Variants in ADAM10 observed in about 807,000 individuals in gnomAD.
ADAM10 encodes the protein disintegrin and metalloproteinase domain-containing protein 10.
A neutral mutation model predicts 90.1 loss-of-function variants in ADAM10; 17 were observed. That is an observed-to-expected ratio of 0.19 (90% confidence interval 0.13 to 0.28). ADAM10 has a LOEUF of 0.28. ADAM10 is among the 10% of genes least tolerant of loss of function. ADAM10 has a pLI of 1.00. For synonymous variants in ADAM10, 310 were observed against 298.6 expected, an observed-to-expected ratio of 1.04 and a Z score of -0.40; for missense variants, 610 against 914.3, an observed-to-expected ratio of 0.67 and a Z score of 4.29.
At chr15:58,611,164 T>C in intron 12 of ADAM10, 57 bp from the exon 13 acceptor site, 1 of 1,293,070 alleles carries the variant, frequency 7.7e-7, no homozygotes, top group South Asian at 1.2e-5. Context: ...ACCTATTTTT[T>C]ATAGTAACAG....
chr15:58,746,128 T>C (rs1227134234), intron 1 of ADAM10, among the ~76,000 whole-genome samples: 2 of 152,192 alleles, frequency 1.3e-5, no homozygotes, highest in African/African-American at 4.8e-5. Context: ...AGTTCGAATG[T>C]CCAATTCACC....
chr15:58,686,462 A>G (rs1897606065), intron 2 of ADAM10: 1 of 1,395,624 alleles, frequency 7.2e-7, no homozygotes, highest in African/African-American at 1.4e-5. Flanking sequence ...GGAGCAGCTC[A>G]AGTTGGAGGC....
At chr15:58,677,902 G>C (rs1172003026) in intron 4 of ADAM10, among the ~76,000 whole-genome samples, 9 of 152,120 alleles carry the variant, frequency 5.9e-5, no homozygotes, top group Non-Finnish European at 1.0e-4. Flanking sequence ...CCTGATAGGG[G>C]AGGTAACCCT....
chr15:58,604,981 T>C (rs1895229488), intron 14 of ADAM10, among the ~76,000 whole-genome samples: 1 of 152,126 alleles, frequency 6.6e-6, no homozygotes, highest in Non-Finnish European at 1.5e-5. Flanking sequence ...CTCCAGCAAT[T>C]TTCCCTCCTC....
At chr15:58,606,667 T>C (rs1895283450) in intron 14 of ADAM10, among the ~76,000 whole-genome samples, 1 of 152,190 alleles carries the variant, frequency 6.6e-6, no homozygotes, top group Admixed American at 6.5e-5. Context: ...ACAAGTCTTT[T>C]TAAAAAGGAG....
At position 58,610,521 on chromosome 15, in the gene ADAM10, G is replaced by C. The variant is rs1461993032; in HGVS notation, c.1805-4C>G. Reference sequence around the variant, plus strand: ...CTGGCACAAGTTGATGGGTCCACTGGAAAAGAAATGCCAAATATAAGCTGA... The same window carrying C: ...CTGGCACAAGTTGATGGGTCCACTGCAAAAGAAATGCCAAATATAAGCTGA... On this transcript the variant is annotated splice_region_variant and splice_polypyrimidine_tract_variant and intron_variant, in intron 13 of 15. Transcript: ENST00000260408. 4 of 1,612,728 alleles carry C rather than the reference G, an allele frequency of 2.5e-6. No individual in the cohort carries two copies. In the Admixed American group the frequency reaches 6.7e-5, roughly 27 times the overall value.
At chr15:58,725,382 A>G (rs1898996826) in intron 1 of ADAM10, among the ~76,000 whole-genome samples, 2 of 150,790 alleles carry the variant, frequency 1.3e-5, no homozygotes, top group African/African-American at 4.9e-5. Context: ...AAAAAAAAAA[A>G]AAAGTAAAAA....
chr15:58,690,874 T>C (rs1436802710), intron 2 of ADAM10, among the ~76,000 whole-genome samples: 3 of 152,160 alleles, frequency 2.0e-5, no homozygotes, highest in Non-Finnish European at 4.4e-5. Context: ...GCTGGATAGG[T>C]CTGAGGATCC....
Position 58,714,484 on chromosome 15 carries a change from T to G in ADAM10, c.206+3093A>C, listed in dbSNP as rs140840300. Among the ~76,000 whole-genome samples the G allele has an allele frequency of 9.8e-3, 1,484 of 152,178 alleles. 24 individuals carry two copies. The highest frequency in any genetic ancestry group is 0.034 in the African/African-American group (1,401 of 41,512). ...GATCAGATTCTAGGGGACTAAAGCC[T>G]ATTATGTGAATAAAAAAAATAAACT... On this transcript the variant is annotated intron_variant, in intron 2 of 15. Transcript: ENST00000260408.
chr15:58,658,718 A>G (rs1234990399), intron 5 of ADAM10, among the ~76,000 whole-genome samples: 1 of 152,164 alleles, frequency 6.6e-6, no homozygotes, highest in African/African-American at 2.4e-5. Flanking sequence ...ATTTTGTTAA[A>G]TTTATTCTAC....
intron 2 of ADAM10, among the ~76,000 whole-genome samples, chr15:58,712,314 A>G: frequency 6.6e-6 from 1 of 151,788 alleles, no homozygotes; most frequent in Non-Finnish European, 1.5e-5. Context: ...CAGCTTTGGG[A>G]GGCCAAGGGA....
At chr15:58,719,225 G>A (rs1290143224) in intron 1 of ADAM10, among the ~76,000 whole-genome samples, 1 of 152,106 alleles carries the variant, frequency 6.6e-6, no homozygotes, top group African/African-American at 2.4e-5. Context: ...TCAGGAGGCT[G>A]AGGCAGGAGA....
chr15:58,680,803 T>C (rs921937556), intron 3 of ADAM10, among the ~76,000 whole-genome samples: 3 of 152,082 alleles, frequency 2.0e-5, no homozygotes, highest in East Asian at 1.9e-4. Context: ...GACGCTGATA[T>C]TTGGAGTTTT....
chr15:58,640,810 C>T lies in ADAM10; in HGVS notation c.979G>A (p.Val327Ile), dbSNP rs759633787. The change falls in exon 8 of 16, where the codon GTA becomes ATA. Residue 327 changes from valine to isoleucine, a missense_variant. Val to Ile is a conservative substitution (Grantham distance 29). Coordinates refer to ENST00000260408, the MANE Select transcript of ADAM10 (RefSeq NM_001110.4). ...VFTDRDFDDGVLGLAWVGAPS... is the reference protein window; with the variant it reads ...VFTDRDFDDGILGLAWVGAPS... ...GCTCCAACCCAAGCCAGACCAAGTACGCCATCATCAAAATCTCGGTCTGTG... is the reference window on the plus strand; with the variant it reads ...GCTCCAACCCAAGCCAGACCAAGTATGCCATCATCAAAATCTCGGTCTGTG... 4 of 1,614,052 alleles carry T rather than the reference C, an allele frequency of 2.5e-6. No individual in the cohort carries two copies. Among genetic ancestry groups the T allele is most frequent in the Non-Finnish European group, 2.5e-6 (3 of 1,179,988 alleles).
chr15:58,693,044 C>A (rs1032134915), intron 2 of ADAM10: 4 of 759,044 alleles, frequency 5.3e-6, no homozygotes, highest in African/African-American at 5.1e-5. Flanking sequence ...CGAATCTTGT[C>A]TAAGGCATCA....
chr15:58,748,977 G>C (rs1300696349), intron 1 of ADAM10: 1 of 399,038 alleles, frequency 2.5e-6, no homozygotes, highest in Non-Finnish European at 4.4e-6. Flanking sequence ...AACTTCCCAC[G>C]AGTCTGCGCG....
chr15:58,720,506 T>C (rs1407380154), intron 1 of ADAM10, among the ~76,000 whole-genome samples: 3 of 151,952 alleles, frequency 2.0e-5, no homozygotes, highest in Non-Finnish European at 2.9e-5. Flanking sequence ...GTTCACGCCA[T>C]TCTCCCGCCT....
chr15:58,700,101 A>G (rs1898088697), intron 2 of ADAM10, among the ~76,000 whole-genome samples: 1 of 152,180 alleles, frequency 6.6e-6, no homozygotes, highest in Non-Finnish European at 1.5e-5. Context: ...TAATGCAAAT[A>G]TTATTAGATC....
intron 11 of ADAM10, among the ~76,000 whole-genome samples, chr15:58,619,794 C>A (rs1450556081): frequency 6.6e-6 from 1 of 151,862 alleles, no homozygotes; most frequent in Admixed American, 6.6e-5. Context: ...GTCCCAGCTA[C>A]TTGGGAGGCT....
Sources: gnomAD v4.1 joint callset for allele counts (sites outside exome capture counted in the v4.1 genomes callset) on GRCh38, gnomAD v4.1.1 for gene constraint, MANE v1.5 for transcripts, NCBI Gene and HGNC (gene_info 2026-07-23, HGNC 2026-07-21) for gene names.